The following LINGO2 variants were observed in gnomAD, a reference collection of about 807,000 sequenced individuals.
The protein encoded by LINGO2 is leucine-rich repeat and immunoglobulin-like domain-containing nogo receptor-interacting protein 2.
Under a neutral mutation model 30.6 loss-of-function variants are expected in LINGO2, and 14 were observed. The observed-to-expected ratio is 0.46, with a 90% CI of 0.30 to 0.72. The LOEUF is 0.72. Among genes scored for constraint, LINGO2 ranks in the 30% least tolerant of loss-of-function variants. The probability of loss-of-function intolerance (pLI) is 0.07; values close to 1 mark genes in which losing one functional copy is unlikely to be tolerated. For missense variants in LINGO2, 729 were observed against 751.7 expected (o/e 0.97, Z 0.35); for synonymous variants, 317 against 288.5 (o/e 1.10, Z -1.00).
At chr9:28,818,033 A>C in the LINGO2 span, among the ~76,000 whole-genome samples, 4 of 152,234 alleles carry the variant, frequency 2.6e-5, no homozygotes, top group Non-Finnish European at 5.9e-5. Context: ...TCTGAGACGA[A>C]TGATACTTTA....
chr9:28,513,078 C>G lies in LINGO2; in HGVS notation c.-364-37053G>C, dbSNP rs923615266. ...CAATCAAGTTGATGCTCAGTATTAACCATCATACACACACACACACACACA... is the reference window on the plus strand; with the variant it reads ...CAATCAAGTTGATGCTCAGTATTAAGCATCATACACACACACACACACACA... On this transcript the variant is annotated intron_variant, in intron 1 of 5. Transcript: ENST00000379992. Among the ~76,000 whole-genome samples the G allele has an allele frequency of 1.0e-4, 14 of 137,942 alleles. 1 individual carries two copies. Among genetic ancestry groups the G allele is most frequent in the African/African-American group, 3.5e-4 (12 of 34,114 alleles). The allele number at this position is 137,942 out of a possible 152,430, so 90.5% of individuals were successfully genotyped here. A position where few individuals can be genotyped will look rare whatever the true frequency, so the allele number is the denominator to read the frequency against.
At chr9:29,124,956 G>A in the LINGO2 span, among the ~76,000 whole-genome samples, 2 of 152,096 alleles carry the variant, frequency 1.3e-5, no homozygotes, top group African/African-American at 4.8e-5. Flanking sequence ...AAAGACACAT[G>A]CACACGTATG....
intron 2 of LINGO2, among the ~76,000 whole-genome samples, chr9:28,428,883 T>C (rs1395564943): frequency 6.6e-6 from 1 of 152,160 alleles, no homozygotes; most frequent in Non-Finnish European, 1.5e-5. Context: ...TAGTATTAAG[T>C]GGTAAACTTT....
the LINGO2 span, among the ~76,000 whole-genome samples, chr9:28,747,403 G>A: frequency 6.6e-6 from 1 of 152,070 alleles, no homozygotes; most frequent in Middle Eastern, 3.4e-3. Flanking sequence ...ATTCAAGTCC[G>A]TGCATGACCG....
At chr9:28,597,668 C>T (rs1315459508) in intron 1 of LINGO2, among the ~76,000 whole-genome samples, 2 of 152,178 alleles carry the variant, frequency 1.3e-5, no homozygotes, top group Non-Finnish European at 2.9e-5. Flanking sequence ...ATTGTATAGT[C>T]ATAGAAGTAC....
At chr9:28,088,207 C>T (rs1587829850) in intron 4 of LINGO2, among the ~76,000 whole-genome samples, 1 of 458 alleles carries the variant, frequency 2.2e-3, no homozygotes, top group African/African-American at 3.0e-3. Flanking sequence ...TAATTATACA[C>T]ACACACACAC....
intron 1 of LINGO2, among the ~76,000 whole-genome samples, chr9:28,568,942 A>G (rs1223672586): frequency 6.6e-6 from 1 of 152,038 alleles, no homozygotes; most frequent in Non-Finnish European, 1.5e-5. Context: ...ATTAAAATTC[A>G]GAATACTCAA....
the LINGO2 span, among the ~76,000 whole-genome samples, chr9:28,859,436 AAT>A: frequency 6.6e-6 from 1 of 152,088 alleles, no homozygotes; most frequent in African/African-American, 2.4e-5. Context: ...TACTTTTAAA[AAT>A]ATGCATTCAA....
chr9:28,706,226 A>C, the LINGO2 span, among the ~76,000 whole-genome samples: 1 of 152,114 alleles, frequency 6.6e-6, no homozygotes. Context: ...TCGGTTTCAA[A>C]CAGTGCATTT....
chr9:28,659,748 C>A (rs1454784098), intron 1 of LINGO2, among the ~76,000 whole-genome samples: 1 of 152,090 alleles, frequency 6.6e-6, no homozygotes, highest in Non-Finnish European at 1.5e-5. Context: ...CATGCTTGGC[C>A]AATGGCTGAC....
At chr9:28,077,368 A>G (rs1825655298) in intron 4 of LINGO2, among the ~76,000 whole-genome samples, 1 of 152,190 alleles carries the variant, frequency 6.6e-6, no homozygotes, top group Non-Finnish European at 1.5e-5. Flanking sequence ...TGAGTCTTAC[A>G]AAAATGTGCT....
intron 1 of LINGO2, among the ~76,000 whole-genome samples, chr9:28,588,686 T>G (rs1472774855): frequency 6.6e-6 from 1 of 152,050 alleles, no homozygotes; most frequent in African/African-American, 2.4e-5. Context: ...GAGTCAAGGC[T>G]AGCATTTGGT....
intron 4 of LINGO2, among the ~76,000 whole-genome samples, chr9:28,176,923 G>A (rs1163167847): frequency 1.3e-5 from 2 of 151,988 alleles, no homozygotes. Context: ...CTTCCTATAC[G>A]AACATGACTT....
chr9:28,573,349 G>T (rs1009677983), intron 1 of LINGO2, among the ~76,000 whole-genome samples: 3 of 151,984 alleles, frequency 2.0e-5, no homozygotes, highest in African/African-American at 7.2e-5. Context: ...TACACTAATT[G>T]CATATTTAAT....
chr9:28,882,770 C>G, the LINGO2 span, among the ~76,000 whole-genome samples: 1 of 152,146 alleles, frequency 6.6e-6, no homozygotes, highest in East Asian at 1.9e-4. Flanking sequence ...CTCATCCTCC[C>G]TATCCTTTGC....
At chr9:27,967,025 A>ATAAAACCAGG (rs1820136856) in intron 5 of LINGO2, among the ~76,000 whole-genome samples, 1 of 152,192 alleles carries the variant, frequency 6.6e-6, no homozygotes. Flanking sequence ...TGAACAAAAG[A>ATAAAACCAGG]TAATCTCTCT....
intron 2 of LINGO2, among the ~76,000 whole-genome samples, chr9:28,467,976 A>C (rs1244031074): frequency 2.0e-5 from 3 of 152,222 alleles, no homozygotes; most frequent in African/African-American, 7.2e-5. Flanking sequence ...TTACATTCAC[A>C]ATGTATTTTG....
At chr9:29,182,860 G>A in the LINGO2 span, among the ~76,000 whole-genome samples, 2 of 152,012 alleles carry the variant, frequency 1.3e-5, no homozygotes, top group African/African-American at 4.8e-5. Flanking sequence ...CAAGGAAGTA[G>A]ATTAAAGAAG....
At chr9:28,939,945 A>G in the LINGO2 span, among the ~76,000 whole-genome samples, 1 of 152,138 alleles carries the variant, frequency 6.6e-6, no homozygotes, top group Non-Finnish European at 1.5e-5. Context: ...GGGGCCCAGC[A>G]TTGTCTGTGG....
Sources: allele counts gnomAD v4.1 joint callset (sites outside exome capture counted in the v4.1 genomes callset), GRCh38; gene constraint gnomAD v4.1.1; transcripts MANE v1.5; gene names NCBI Gene and HGNC (gene_info 2026-07-23, HGNC 2026-07-21).